ASZ1: variants seen among roughly 807,000 people sequenced by gnomAD.
ASZ1 encodes ankyrin repeat, SAM and basic leucine zipper domain-containing protein 1.
ASZ1 carries 67 observed loss-of-function variants against 61.8 expected under a neutral mutation model. The observed-to-expected ratio is 1.08, with a 90% CI of 0.89 to 1.33. ASZ1 has a LOEUF of 1.33. Among genes scored for constraint, ASZ1 ranks in the 40% most tolerant of loss-of-function variants. The pLI is 0.00. For missense variants in ASZ1, 577 were observed against 554.5 expected (o/e 1.04, Z -0.41); for synonymous variants, 193 against 192.7 (o/e 1.00, Z -0.01).
intron 2 of ASZ1, among the ~76,000 whole-genome samples, chr7:117,425,720 T>A (rs1293986724): frequency 6.6e-6 from 1 of 151,788 alleles, no homozygotes; most frequent in East Asian, 1.9e-4. Flanking sequence ...CTGGGGGCGG[T>A]GGCTCTTGCT....
chr7:117,390,968 C>T (rs1796455457), intron 4 of ASZ1, among the ~76,000 whole-genome samples: 1 of 152,136 alleles, frequency 6.6e-6, no homozygotes, highest in Non-Finnish European at 1.5e-5. Flanking sequence ...TCCCAAAATG[C>T]TGGGATTACA....
At chr7:117,377,433 C>T (rs535067971) in intron 10 of ASZ1, among the ~76,000 whole-genome samples, 3 of 152,064 alleles carry the variant, frequency 2.0e-5, no homozygotes, top group Non-Finnish European at 4.4e-5. Context: ...GAGGCTCAGG[C>T]GGGAGGATCA....
At chr7:117,369,374 C>A (rs10275431) in intron 10 of ASZ1, among the ~76,000 whole-genome samples, 4 of 152,138 alleles carry the variant, frequency 2.6e-5, no homozygotes, top group African/African-American at 9.7e-5. Context: ...ATTAAAAGAA[C>A]TTTTGTGTCA....
In ASZ1 at chr7:117,378,819, T is replaced by C. The variant is rs141868974; in HGVS notation, c.1055+1119A>G. The stretch of plus-strand genomic sequence containing the variant: ...AAATGGTTAAACAAACTGTGGTATA[T>C]ACATACCATGGAATACTACTCAGCA... On this transcript the variant is annotated intron_variant, in intron 10 of 12. Coordinates refer to ENST00000284629, the MANE Select transcript of ASZ1 (RefSeq NM_130768.3). Among the ~76,000 whole-genome samples the C allele has an allele frequency of 3.7e-3, 567 of 152,084 alleles. 4 individuals carry two copies. The highest frequency in any genetic ancestry group is 0.013 in the African/African-American group (552 of 41,538).
At chr7:117,396,505 A>ACTTT (rs1348523792) in intron 4 of ASZ1, among the ~76,000 whole-genome samples, 1 of 152,186 alleles carries the variant, frequency 6.6e-6, no homozygotes, top group Non-Finnish European at 1.5e-5. Flanking sequence ...AACTTTTATA[A>ACTTT]AATATCTTTC....
intron 6 of ASZ1, 144 bp downstream of exon 6, chr7:117,384,582 G>T (rs2116472777): frequency 3.1e-6 from 3 of 958,924 alleles, no homozygotes; most frequent in South Asian, 2.0e-5. Flanking sequence ...TTACCTGGCT[G>T]GAGGAAAGAT....
At chr7:117,385,420 T>C (rs1444126428) in intron 5 of ASZ1, among the ~76,000 whole-genome samples, 5 of 151,878 alleles carry the variant, frequency 3.3e-5, no homozygotes, top group Non-Finnish European at 5.9e-5. Flanking sequence ...CCACCATGCC[T>C]GGCTAATTTT....
At chr7:117,379,034 AGAAGGTTAGATGT>A (rs1395091399) in intron 10 of ASZ1, among the ~76,000 whole-genome samples, 2 of 150,828 alleles carry the variant, frequency 1.3e-5, no homozygotes, top group Non-Finnish European at 3.0e-5. Context: ...TGGGATGGGG[AGAAGGTTAGATGT>A]GGCTATAAAG....
In ASZ1 at chr7:117,427,482, T is replaced by G; in HGVS notation, c.-22A>C. On this transcript the variant is annotated 5_prime_UTR_variant, in exon 1 of 13. Coordinates refer to ENST00000284629, the MANE Select transcript of ASZ1 (RefSeq NM_130768.3). ...CCATGCCAGCCAAGGAAGCTCCCTG[T>G]CGGCACCGCGCGCCCTTCAGCTCTC... The G allele has an allele frequency of 6.2e-7, 1 of 1,612,408 alleles. No individual in the cohort carries two copies. The highest frequency in any genetic ancestry group is 8.5e-7 in the Non-Finnish European group (1 of 1,178,914).
chr7:117,407,677 T>C (rs1324264215), intron 4 of ASZ1, among the ~76,000 whole-genome samples: 2 of 152,326 alleles, frequency 1.3e-5, no homozygotes, highest in East Asian at 3.9e-4. Flanking sequence ...TATTGTACTA[T>C]ATTCACCCTT....
At chr7:117,420,043 G>C (rs1005416622) in intron 4 of ASZ1, 120 bp downstream of exon 4, 2 of 636,134 alleles carry the variant, frequency 3.1e-6, no homozygotes, top group Non-Finnish European at 5.3e-6. Context: ...ATGACCTTAT[G>C]AACTATTTTC....
chr7:117,381,423 A>G (rs1429591698), intron 8 of ASZ1, among the ~76,000 whole-genome samples: 2 of 152,122 alleles, frequency 1.3e-5, no homozygotes, highest in Admixed American at 1.3e-4. Flanking sequence ...AGTTTTACTC[A>G]AGATTTCTCC....
At chr7:117,385,643 G>A in intron 5 of ASZ1, 55 bp downstream of exon 5, 1 of 1,374,360 alleles carries the variant, frequency 7.3e-7, no homozygotes, top group South Asian at 1.3e-5. Flanking sequence ...TTCTTTTTTT[G>A]TAGATTACTG....
chr7:117,420,998 A>C (rs998212793), intron 3 of ASZ1, among the ~76,000 whole-genome samples: 1 of 152,346 alleles, frequency 6.6e-6, no homozygotes, highest in Admixed American at 6.5e-5. Flanking sequence ...TTTAACATAC[A>C]GATAAGAACC....
At chr7:117,383,299 T>C (rs1191688365) in intron 6 of ASZ1, among the ~76,000 whole-genome samples, 189 bp from the exon 7 acceptor site, 3 of 152,072 alleles carry the variant, frequency 2.0e-5, no homozygotes, top group Non-Finnish European at 4.4e-5. Context: ...TTGTATATAT[T>C]TTGGGGGGTA....
intron 8 of ASZ1, among the ~76,000 whole-genome samples, chr7:117,381,400 T>G (rs906436378): frequency 6.6e-6 from 1 of 152,146 alleles, no homozygotes; most frequent in South Asian, 2.1e-4. Context: ...TGTATCACAT[T>G]AAACCAACAT....
chr7:117,396,984 C>T (rs568729950), intron 4 of ASZ1, among the ~76,000 whole-genome samples: 1 of 150,664 alleles, frequency 6.6e-6, no homozygotes, highest in Non-Finnish European at 1.5e-5. Flanking sequence ...AAACAAAAAC[C>T]AAACTAGAAA....
intron 10 of ASZ1, among the ~76,000 whole-genome samples, chr7:117,379,168 T>TATATATACACACACACAC (rs1161457624): frequency 1.4e-4 from 10 of 69,698 alleles, no homozygotes; most frequent in African/African-American, 5.5e-4. Context: ...TATATATATA[T>TATATATACACACACACAC]ACACACACAC....
intron 4 of ASZ1, among the ~76,000 whole-genome samples, chr7:117,386,820 T>C (rs1254975833): frequency 6.6e-6 from 1 of 152,128 alleles, no homozygotes; most frequent in Non-Finnish European, 1.5e-5. Context: ...ACAATTCATA[T>C]ATATCTGTTT....
Sources: gnomAD v4.1 joint callset for allele counts (sites outside exome capture counted in the v4.1 genomes callset) on GRCh38, gnomAD v4.1.1 for gene constraint, MANE v1.5 for transcripts, NCBI Gene and HGNC (gene_info 2026-07-23, HGNC 2026-07-21) for gene names.